Variants in SMARCAL1 observed in about 807,000 individuals in gnomAD.
SMARCAL1 encodes ATP-driven annealing helicase.
A neutral mutation model predicts 94.5 loss-of-function variants in SMARCAL1; 58 were observed. The observed-to-expected ratio is 0.61, with a 90% CI of 0.50 to 0.76. SMARCAL1 has a LOEUF of 0.76. SMARCAL1 is among the 30% of genes least tolerant of loss of function. The pLI, the probability that SMARCAL1 is intolerant of heterozygous loss-of-function variation, is 0.00. For synonymous variants in SMARCAL1, 422 were observed against 455.1 expected, an observed-to-expected ratio of 0.93 and a Z score of 0.93; for missense variants, 1,051 against 1,177.9, an observed-to-expected ratio of 0.89 and a Z score of 1.58.
intron 6 of SMARCAL1, among the ~76,000 whole-genome samples, chr2:216,428,315 T>G (rs894037070): frequency 6.6e-6 from 1 of 152,248 alleles, no homozygotes; most frequent in African/African-American, 2.4e-5. Context: ...AATAAAGGGG[T>G]TTTTTCCCCT....
intron 10 of SMARCAL1, among the ~76,000 whole-genome samples, chr2:216,446,124 T>C (rs1694309800): frequency 6.6e-6 from 1 of 152,116 alleles, no homozygotes; most frequent in Non-Finnish European, 1.5e-5. Context: ...CTCTTTTTTT[T>C]TTTCTCACCC....
At chr2:216,439,894 T>G (rs972636157) in intron 10 of SMARCAL1, among the ~76,000 whole-genome samples, 1 of 152,134 alleles carries the variant, frequency 6.6e-6, no homozygotes, top group Non-Finnish European at 1.5e-5. Context: ...AAATCCCGTC[T>G]GTACTAAAAA....
rs371687761 is a variant in SMARCAL1, at chr2:216,480,857, A to G, written c.2626-1881A>G. On this transcript the variant is annotated intron_variant, in intron 17 of 17. Transcript: ENST00000357276. ...GCGGAGCCCAAAGACATGACCAAAA[A>G]AATCTTTAAAGGAGAGCCTGGGGGT... Among the ~76,000 whole-genome samples, 9 of 152,326 alleles carry G rather than the reference A, an allele frequency of 5.9e-5. No individual in the cohort carries two copies. The East Asian group carries it at 7.7e-4, about 13-fold the overall frequency.
intron 12 of SMARCAL1, among the ~76,000 whole-genome samples, chr2:216,458,540 A>G (rs939013616): frequency 6.6e-6 from 1 of 152,244 alleles, no homozygotes; most frequent in Non-Finnish European, 1.5e-5. Flanking sequence ...ACGCAAATCA[A>G]TAAACATAAT....
chr2:216,468,147 C>T (rs1484971313), intron 14 of SMARCAL1, 101 bp downstream of exon 14: 1 of 785,112 alleles, frequency 1.3e-6, no homozygotes, highest in African/African-American at 1.7e-5. Context: ...CCGATGGCTT[C>T]CGGAAGCATT....
At chr2:216,455,600 G>T (rs145239731) in intron 12 of SMARCAL1, among the ~76,000 whole-genome samples, 2,097 of 152,320 alleles carry the variant, frequency 0.014, 47 homozygotes, top group African/African-American at 0.048. Flanking sequence ...GGTCTGGAGT[G>T]GTCCTCCAGC....
intron 1 of SMARCAL1, among the ~76,000 whole-genome samples, chr2:216,413,175 G>A (rs1387449642): frequency 6.6e-6 from 1 of 152,016 alleles, no homozygotes; most frequent in Non-Finnish European, 1.5e-5. Context: ...GTTGGGTTCT[G>A]GCCAAAGGGA....
intron 10 of SMARCAL1, among the ~76,000 whole-genome samples, chr2:216,443,005 C>G (rs1432704168): frequency 6.6e-6 from 1 of 152,126 alleles, no homozygotes; most frequent in Admixed American, 6.5e-5. Context: ...TCCTCACTTT[C>G]ATTACATAAT....
intron 5 of SMARCAL1, among the ~76,000 whole-genome samples, chr2:216,421,681 C>T (rs987405340): frequency 6.6e-6 from 1 of 152,172 alleles, no homozygotes; most frequent in South Asian, 2.1e-4. Flanking sequence ...GGGTGTCATT[C>T]TCAGCTTGGG....
chr2:216,463,176 G>C (rs1410446174), intron 12 of SMARCAL1, among the ~76,000 whole-genome samples: 1 of 152,198 alleles, frequency 6.6e-6, no homozygotes. Context: ...AAGCTGTCCT[G>C]TCAGTCACAG....
intron 16 of SMARCAL1, 122 bp downstream of exon 16, chr2:216,477,331 A>G: frequency 2.5e-6 from 2 of 789,640 alleles, no homozygotes; most frequent in South Asian, 2.9e-5. Flanking sequence ...GATCTATAGA[A>G]AATTGACTAG....
intron 12 of SMARCAL1, among the ~76,000 whole-genome samples, chr2:216,459,890 G>C (rs1312476642): frequency 2.6e-5 from 4 of 152,098 alleles, no homozygotes; most frequent in Non-Finnish European, 5.9e-5. Context: ...CCATCAGAGT[G>C]AACAGGAAAC....
At chr2:216,415,881 C>T (rs190833264) in intron 3 of SMARCAL1, 137 of 375,406 alleles carry the variant, frequency 3.6e-4, no homozygotes, top group Non-Finnish European at 6.2e-4. Flanking sequence ...AAGTGACAGG[C>T]CCAGTTTCAT....
chr2:216,438,732 C>T (rs957339939), intron 10 of SMARCAL1, among the ~76,000 whole-genome samples: 22 of 152,118 alleles, frequency 1.4e-4, no homozygotes, highest in African/African-American at 5.3e-4. Flanking sequence ...GCCTTTGTCT[C>T]TCGAAGGTCA....
In SMARCAL1 at chr2:216,435,600, G is replaced by A. The variant is rs1694064019; in HGVS notation, c.1644+104G>A. The A allele has an allele frequency of 1.5e-5, 15 of 1,004,628 alleles. No individual in the cohort carries two copies. In the South Asian group the frequency reaches 2.0e-4, roughly 13 times the overall value. 62.2% of individuals were successfully genotyped at this position (1,004,628 alleles called of 1,614,324 possible). ...CTGTAATCTCCTTGAGCCCCATTTA[G>A]TTTCTAGAAGAATAGAAATCACTGT... On this transcript the variant is annotated intron_variant, in intron 9 of 17. Coordinates refer to ENST00000357276, the MANE Select transcript of SMARCAL1 (RefSeq NM_014140.4).
intron 3 of SMARCAL1, 27 bp from the exon 4 acceptor site, chr2:216,416,230 A>G (rs758102337): frequency 1.3e-5 from 21 of 1,608,038 alleles, no homozygotes; most frequent in Non-Finnish European, 1.5e-5. Flanking sequence ...AATTGTCAAC[A>G]GTCATCAGTC....
chr2:216,450,922 T>C lies in SMARCAL1; in HGVS notation c.1928T>C (p.Leu643Pro). The C allele has an allele frequency of 6.2e-7, 1 of 1,614,222 alleles. No homozygotes were observed. Among genetic ancestry groups the C allele is most frequent in the Non-Finnish European group, 8.5e-7 (1 of 1,180,034 alleles). Reference sequence around the variant, plus strand: ...CTCCTGCTGGAGGAAGCAGTCATGCTGCGGCGCCTCAAGTCCGACGTCCTT... The same window carrying C: ...CTCCTGCTGGAGGAAGCAGTCATGCCGCGGCGCCTCAAGTCCGACGTCCTT... ...LKLLLEEAVM[L>P]RRLKSDVLSQ... Residue 643 changes from leucine to proline, a missense_variant, in exon 12 of 18, where the codon CTG becomes CCG. Leu to Pro is a moderately conservative substitution (Grantham distance 98). Coordinates refer to ENST00000357276, the MANE Select transcript of SMARCAL1 (RefSeq NM_014140.4).
At chr2:216,455,694 A>T (rs1694549495) in intron 12 of SMARCAL1, among the ~76,000 whole-genome samples, 1 of 152,242 alleles carries the variant, frequency 6.6e-6, no homozygotes, top group Non-Finnish European at 1.5e-5. Flanking sequence ...CCAAAACCCC[A>T]TCTGTACGTC....
At chr2:216,443,614 A>AC (rs1476121463) in intron 10 of SMARCAL1, among the ~76,000 whole-genome samples, 2 of 152,208 alleles carry the variant, frequency 1.3e-5, no homozygotes, top group Non-Finnish European at 2.9e-5. Flanking sequence ...AGTTTAGTTA[A>AC]GGTTAGTACT....
Sources: gnomAD v4.1 joint callset for allele counts (sites outside exome capture counted in the v4.1 genomes callset) on GRCh38, gnomAD v4.1.1 for gene constraint, MANE v1.5 for transcripts, NCBI Gene and HGNC (gene_info 2026-07-23, HGNC 2026-07-21) for gene names.